The following SPATA9 variants were observed in gnomAD, a reference collection of about 807,000 sequenced individuals.
SPATA9 encodes the protein spermatogenesis associated 9, also known as spermatogenesis-associated protein 9.
A neutral mutation model predicts 25.5 loss-of-function variants in SPATA9; 27 were observed. The ratio of observed to expected loss-of-function variants is 1.06; its 90% CI spans 0.78 to 1.46. The LOEUF is 1.46. SPATA9 is among the 40% of genes most tolerant of loss of function. The pLI, the probability that SPATA9 is intolerant of heterozygous loss-of-function variation, is 0.00. For missense variants in SPATA9, 282 were observed against 297.5 expected, an observed-to-expected ratio of 0.95 and a Z score of 0.38; for synonymous variants, 102 against 105.7, an observed-to-expected ratio of 0.97 and a Z score of 0.21.
chr5:95,687,739 T>G (rs1008061795), upstream of SPATA9, among the ~76,000 whole-genome samples: 4 of 152,096 alleles, frequency 2.6e-5, no homozygotes, highest in African/African-American at 9.7e-5. Flanking sequence ...GTTACCCAGG[T>G]TTGGGAGTTG....
chr5:95,678,759 CT>C (rs977744272), intron 2 of SPATA9, among the ~76,000 whole-genome samples: 1 of 152,130 alleles, frequency 6.6e-6, no homozygotes, highest in African/African-American at 2.4e-5. Flanking sequence ...ACAATCTAAC[CT>C]TTTAAAAATA....
the SPATA9 span, among the ~76,000 whole-genome samples, chr5:95,718,929 T>A: frequency 6.6e-6 from 1 of 152,112 alleles, no homozygotes; most frequent in South Asian, 2.1e-4. Context: ...AGGCTGCTTG[T>A]CCAAGTTGTT....
the SPATA9 span, chr5:95,731,160 C>A: frequency 9.9e-7 from 1 of 1,011,830 alleles, no homozygotes; most frequent in Non-Finnish European, 1.2e-6. Context: ...CGGGCGGCTC[C>A]TTTGTGTCCA....
At chr5:95,691,263 A>T (rs959638258) in intron 1 of SPATA9, among the ~76,000 whole-genome samples, 2 of 152,044 alleles carry the variant, frequency 1.3e-5, no homozygotes, top group African/African-American at 4.8e-5. Context: ...CCTTCCATTA[A>T]CACTTTATTT....
intron 2 of SPATA9, among the ~76,000 whole-genome samples, chr5:95,681,528 G>A (rs1316247631): frequency 6.6e-6 from 1 of 152,058 alleles, no homozygotes; most frequent in African/African-American, 2.4e-5. Context: ...ATGTAACACT[G>A]ACCATATTCT....
chr5:95,688,120 C>T lies in SPATA9; in HGVS notation n.124+10468G>A, dbSNP rs139481571. 4.2e-3 allele frequency among the ~76,000 whole-genome samples: 633 copies of T among 152,292 alleles called. 7 individuals are homozygous for T. The highest frequency in any genetic ancestry group is 0.014 in the African/African-American group (562 of 41,552). ...TATCAGAAAGATACCTGCATTCTTA[C>T]ATTCATTGCAGCACTTTTTACAATA... On this transcript the variant is annotated intron_variant and non_coding_transcript_variant, in intron 1 of 2. Transcript: ENST00000379990.
chr5:95,690,867 A>G (rs1460705221), intron 1 of SPATA9, among the ~76,000 whole-genome samples: 1 of 152,204 alleles, frequency 6.6e-6, no homozygotes, highest in East Asian at 1.9e-4. Context: ...TTAAAAGACA[A>G]ACAATATTTC....
upstream of SPATA9, chr5:95,698,717 G>A (rs1191180539): frequency 6.6e-6 from 1 of 152,114 alleles, no homozygotes; most frequent in Non-Finnish European, 1.5e-5. Context: ...CAAGCCTGGA[G>A]CAAAACTCAA....
chr5:95,656,282 CT>C (rs1322663252), downstream of SPATA9: 1 of 1,611,088 alleles, frequency 6.2e-7, no homozygotes, highest in Admixed American at 1.7e-5. Flanking sequence ...CCACTGGAGA[CT>C]TCAAAGTAAT....
At chr5:95,696,107 G>T (rs1754015420) in intron 1 of SPATA9, among the ~76,000 whole-genome samples, 2 of 152,148 alleles carry the variant, frequency 1.3e-5, no homozygotes, top group Non-Finnish European at 2.9e-5. Flanking sequence ...GAAGCCTTAA[G>T]ATGACTGTCA....
chr5:95,730,889 C>A, the SPATA9 span: 1 of 455,886 alleles, frequency 2.2e-6, no homozygotes, highest in South Asian at 1.6e-5. Flanking sequence ...GAGAAAGCGG[C>A]AGACGTGGTA....
intron 1 of SPATA9, among the ~76,000 whole-genome samples, chr5:95,688,294 AGGTGCAGT>A (rs1753797583): frequency 6.6e-6 from 1 of 152,182 alleles, no homozygotes; most frequent in Non-Finnish European, 1.5e-5. Flanking sequence ...AAAGTGCAAG[AGGTGCAGT>A]GGTGCAGTGG....
At chr5:95,654,162 C>T, downstream of SPATA9, 1 of 1,612,370 alleles carries the variant, frequency 6.2e-7, no homozygotes, top group Non-Finnish European at 8.5e-7. Flanking sequence ...AGAATGACAG[C>T]TGTTGTCCAT....
chr5:95,670,860 T>G, intron 3 of SPATA9: 1 of 985,428 alleles, frequency 1.0e-6, no homozygotes, highest in African/African-American at 1.7e-5. Context: ...GTCCTCATAG[T>G]CAGTTCTGTT....
chr5:95,698,351 G>C (rs1754090452), intron 1 of SPATA9, among the ~76,000 whole-genome samples: 1 of 152,178 alleles, frequency 6.6e-6, no homozygotes, highest in African/African-American at 2.4e-5. Flanking sequence ...CTGTGGACTT[G>C]ATGCAAGCAT....
At chr5:95,707,934 T>C in the SPATA9 span, among the ~76,000 whole-genome samples, 1 of 152,218 alleles carries the variant, frequency 6.6e-6, no homozygotes, top group East Asian at 1.9e-4. Context: ...TCCTCAGTTA[T>C]AACAAGGGGG....
At chr5:95,722,631 A>C in the SPATA9 span, among the ~76,000 whole-genome samples, 3 of 152,290 alleles carry the variant, frequency 2.0e-5, no homozygotes, top group East Asian at 5.8e-4. Context: ...CTGGGACTAC[A>C]GGCTCCCGCC....
intron 2 of SPATA9, among the ~76,000 whole-genome samples, chr5:95,677,138 T>G (rs546129284): frequency 3.3e-5 from 5 of 152,250 alleles, no homozygotes; most frequent in Non-Finnish European, 7.3e-5. Context: ...ACCTCGATTT[T>G]GCATCCCTTC....
At chr5:95,731,978 G>A in the SPATA9 span, 2 of 1,614,064 alleles carry the variant, frequency 1.2e-6, no homozygotes, top group Admixed American at 1.7e-5. Flanking sequence ...GACGAGAGCA[G>A]CTTGTTGCTG....
Sources: allele counts gnomAD v4.1 joint callset (sites outside exome capture counted in the v4.1 genomes callset), GRCh38; gene constraint gnomAD v4.1.1; transcripts MANE v1.5; gene names NCBI Gene and HGNC (gene_info 2026-07-23, HGNC 2026-07-21).